GJB7: variants seen among roughly 807,000 people sequenced by gnomAD.
GJB7 encodes gap junction beta-7 protein.
For synonymous variants in GJB7, 87 were observed against 95.2 expected (o/e 0.91, Z 0.50); for missense variants, 253 against 256.8 (o/e 0.99, Z 0.10).
At chr6:87,317,392 T>C (rs1028672588) in intron 2 of GJB7, among the ~76,000 whole-genome samples, 18 of 151,472 alleles carry the variant, frequency 1.2e-4, no homozygotes, top group African/African-American at 4.1e-4. Flanking sequence ...CAAGAAATTA[T>C]CTGTTTTAAT....
intron 1 of GJB7, among the ~76,000 whole-genome samples, chr6:87,328,077 A>C (rs1776879168): frequency 6.6e-6 from 1 of 152,064 alleles, no homozygotes; most frequent in African/African-American, 2.4e-5. Flanking sequence ...TTCTTCACGT[A>C]GTTCTTGAGC....
intron 2 of GJB7, among the ~76,000 whole-genome samples, chr6:87,301,819 T>G (rs1342696449): frequency 1.3e-5 from 2 of 152,172 alleles, no homozygotes; most frequent in Non-Finnish European, 2.9e-5. Flanking sequence ...CGGGTACCCC[T>G]CTGAGACGAA....
intron 2 of GJB7, among the ~76,000 whole-genome samples, chr6:87,303,737 A>G (rs1776374544): frequency 6.6e-6 from 1 of 152,254 alleles, no homozygotes; most frequent in Non-Finnish European, 1.5e-5. Flanking sequence ...TCTCAGCACT[A>G]CGTTGCACTT....
chr6:87,288,049 C>T, intron 2 of GJB7, among the ~76,000 whole-genome samples: 1 of 152,058 alleles, frequency 6.6e-6, no homozygotes. Context: ...ATTGCAGGTG[C>T]CCACCACCAC....
At chr6:87,300,520 C>T (rs552976339) in intron 2 of GJB7, 1 of 183,894 alleles carries the variant, frequency 5.4e-6, no homozygotes, top group African/African-American at 2.3e-5. Context: ...CCAATAACTT[C>T]AGAGAAGTCA....
intron 2 of GJB7, chr6:87,322,291 C>T (rs752795200): frequency 1.4e-4 from 22 of 152,196 alleles, no homozygotes; most frequent in Middle Eastern, 3.4e-3. Context: ...AATAAACATA[C>T]TTCTAGGAGA....
intron 2 of GJB7, among the ~76,000 whole-genome samples, chr6:87,292,319 C>G (rs545423046): frequency 6.6e-6 from 1 of 152,284 alleles, no homozygotes; most frequent in Admixed American, 6.5e-5. Flanking sequence ...AAGCTACTTA[C>G]CAAAATTCAA....
chr6:87,304,684 C>G (rs1776392719), intron 2 of GJB7, among the ~76,000 whole-genome samples: 1 of 152,170 alleles, frequency 6.6e-6, no homozygotes, highest in African/African-American at 2.4e-5. Context: ...ATGAGGCCAG[C>G]CCCATCCTGA....
At chr6:87,301,115 C>T (rs568256912) in intron 2 of GJB7, among the ~76,000 whole-genome samples, 45 of 152,206 alleles carry the variant, frequency 3.0e-4, no homozygotes, top group East Asian at 3.9e-4. Context: ...ACAGAGAAGA[C>T]GGGTGATTTC....
At chr6:87,285,622 G>A (rs745874371) in intron 2 of GJB7, among the ~76,000 whole-genome samples, 6 of 152,078 alleles carry the variant, frequency 3.9e-5, no homozygotes, top group Non-Finnish European at 8.8e-5. Context: ...AATCATTCAC[G>A]CTCTATATCC....
At chr6:87,300,165 A>G (rs979534245) in intron 2 of GJB7, 4 of 223,494 alleles carry the variant, frequency 1.8e-5, no homozygotes, top group Non-Finnish European at 3.7e-5. Context: ...TTATTAAAAG[A>G]ACACTCAAAA....
At position 87,284,197 on chromosome 6, in the gene GJB7, G is replaced by A. The variant is rs1305705703; in HGVS notation, c.*44C>T. On this transcript the variant is annotated 3_prime_UTR_variant, in exon 3 of 3. Coordinates refer to ENST00000525899, the MANE Select transcript of GJB7 (RefSeq NM_198568.3). ...GTGTGAAGATTCTGGAGTAGGGGAG[G>A]GGTCCCTCTCCTACCACATTCAACA... is the stretch of plus-strand genomic sequence containing the variant. 1.4e-6 allele frequency: 2 copies of A among 1,475,388 alleles called. No homozygotes were observed. The highest frequency in any genetic ancestry group is 1.9e-6 in the Non-Finnish European group (2 of 1,071,662). 91.4% of individuals were successfully genotyped at this position (1,475,388 alleles called of 1,614,324 possible). A position where few individuals can be genotyped will look rare whatever the true frequency, so the allele number is the denominator to read the frequency against.
intron 2 of GJB7, among the ~76,000 whole-genome samples, chr6:87,307,265 A>G (rs1457815044): frequency 1.3e-5 from 2 of 152,066 alleles, no homozygotes; most frequent in Non-Finnish European, 2.9e-5. Context: ...CAAAAACCAT[A>G]AAAACCCTAG....
At chr6:87,296,508 T>G (rs1348642996) in intron 2 of GJB7, among the ~76,000 whole-genome samples, 1 of 152,260 alleles carries the variant, frequency 6.6e-6, no homozygotes, top group Non-Finnish European at 1.5e-5. Flanking sequence ...ATTGCAACTA[T>G]ATCTTCATTA....
At chr6:87,324,895 C>G (rs117457311) in intron 1 of GJB7, among the ~76,000 whole-genome samples, 2 of 152,142 alleles carry the variant, frequency 1.3e-5, no homozygotes, top group Admixed American at 6.5e-5. Context: ...ATTCTTCCTA[C>G]GCATGAGCAT....
chr6:87,302,360 C>T (rs1776344868), intron 2 of GJB7, among the ~76,000 whole-genome samples: 1 of 152,148 alleles, frequency 6.6e-6, no homozygotes, highest in African/African-American at 2.4e-5. Context: ...AAAACCATGG[C>T]ACGAGAACTA....
At chr6:87,312,629 T>G (rs913907454) in intron 2 of GJB7, among the ~76,000 whole-genome samples, 25 of 152,188 alleles carry the variant, frequency 1.6e-4, no homozygotes, top group African/African-American at 6.0e-4. Flanking sequence ...AAAGAACATT[T>G]TAACAAAAGA....
In GJB7 at chr6:87,298,508, G is replaced by A. The variant is rs376601508; in HGVS notation, c.-27-13569C>T. Among the ~76,000 whole-genome samples, 9 of 152,236 alleles carry A rather than the reference G, an allele frequency of 5.9e-5. No individual in the cohort carries two copies. The East Asian group carries it at 1.5e-3, about 26-fold the overall frequency. On this transcript the variant is annotated intron_variant, in intron 2 of 2. Transcript: ENST00000525899. ...CAGTAAGGCAAATAAGAAATGAAAG[G>A]GCTGAAATCCAACTCTAAATCACAT...
At chr6:87,291,702 G>T (rs567722334) in intron 2 of GJB7, among the ~76,000 whole-genome samples, 1 of 152,124 alleles carries the variant, frequency 6.6e-6, no homozygotes, top group Non-Finnish European at 1.5e-5. Context: ...CATGTGATGC[G>T]GCACAAAACT....
Sources: allele counts gnomAD v4.1 joint callset (sites outside exome capture counted in the v4.1 genomes callset), GRCh38; gene constraint gnomAD v4.1.1; transcripts MANE v1.5; gene names NCBI Gene and HGNC (gene_info 2026-07-23, HGNC 2026-07-21).